The following TNFRSF13B variants were observed in gnomAD, a reference collection of about 807,000 sequenced individuals.
The protein encoded by TNFRSF13B is TNF receptor superfamily member 13B.
Under a neutral mutation model 24.0 loss-of-function variants are expected in TNFRSF13B, and 34 were observed. That is an observed-to-expected ratio of 1.41 (90% CI 1.08 to 1.88). The LOEUF (loss-of-function observed/expected upper bound fraction) is 1.88, where lower values mean the gene tolerates loss of function less well. TNFRSF13B is among the 40% of genes most tolerant of loss of function. The pLI, the probability that TNFRSF13B is intolerant of heterozygous loss-of-function variation, is 0.00. For missense variants in TNFRSF13B, 415 were observed against 380.8 expected (o/e 1.09, Z -0.75); for synonymous variants, 173 against 150.3 (o/e 1.15, Z -1.10).
intron 3 of TNFRSF13B, among the ~76,000 whole-genome samples, chr17:16,947,131 A>C (rs189121849): frequency 1.1e-4 from 17 of 152,298 alleles, no homozygotes; most frequent in Non-Finnish European, 2.4e-4. Flanking sequence ...TCACTCTGGT[A>C]CCAAAACCTG....
At chr17:16,963,958 TA>T (rs1335176242) in intron 1 of TNFRSF13B, among the ~76,000 whole-genome samples, 1 of 152,098 alleles carries the variant, frequency 6.6e-6, no homozygotes, top group Non-Finnish European at 1.5e-5. Flanking sequence ...CGTGCAGAGA[TA>T]GGGTGTGTGC....
At chr17:16,940,186 T>C (rs1157296221) in intron 4 of TNFRSF13B, 140 bp downstream of exon 4, 16 of 1,561,108 alleles carry the variant, frequency 1.0e-5, no homozygotes, top group Admixed American at 1.8e-5. Flanking sequence ...TAACCTGATT[T>C]TATCAAGGTA....
At chr17:16,967,870 G>C (rs1173477000) in intron 1 of TNFRSF13B, among the ~76,000 whole-genome samples, 3 of 151,400 alleles carry the variant, frequency 2.0e-5, no homozygotes, top group African/African-American at 7.3e-5. Flanking sequence ...AGGCATGGTG[G>C]CTCACGCCTG....
intron 1 of TNFRSF13B, among the ~76,000 whole-genome samples, chr17:16,971,270 AC>A (rs2087741961): frequency 6.6e-6 from 1 of 151,914 alleles, no homozygotes; most frequent in South Asian, 2.1e-4. Flanking sequence ...AATGGCTTGA[AC>A]CCGGGAGGCG....
intron 3 of TNFRSF13B, 74 bp downstream of exon 3, chr17:16,948,664 C>T: frequency 6.2e-7 from 1 of 1,604,088 alleles, no homozygotes; most frequent in Non-Finnish European, 8.5e-7. Flanking sequence ...CTCTCCTGTT[C>T]TAGGCCTGGC....
At chr17:16,971,397 A>G (rs1457400249) in intron 1 of TNFRSF13B, among the ~76,000 whole-genome samples, 1 of 152,068 alleles carries the variant, frequency 6.6e-6, no homozygotes, top group East Asian at 1.9e-4. Context: ...AAAGAAAGCT[A>G]TAGGATAAAT....
chr17:16,948,960 G>C lies in TNFRSF13B; in HGVS notation c.223C>G (p.Gln75Glu), dbSNP rs1447079785. 6.2e-7 allele frequency: 1 copy of C among 1,614,158 alleles called. No individual in the cohort carries two copies. The highest frequency in any genetic ancestry group is 1.1e-5 in the South Asian group (1 of 91,082). ...AGGAGATGGTCATAGAACTTGCCTT[G>C]CTCCTTGCGGCAGCTGAGTGACCCT... Reference protein sequence around the residue: ...FCRSLSCRKEQGKFYDHLLRD... With the variant: ...FCRSLSCRKEEGKFYDHLLRD... Residue 75 changes from glutamine to glutamate, a missense_variant, in exon 3 of 5, where the codon CAA becomes GAA. Transcript: ENST00000261652.
At chr17:16,959,799 T>C (rs1285567423) in intron 1 of TNFRSF13B, among the ~76,000 whole-genome samples, 1 of 152,064 alleles carries the variant, frequency 6.6e-6, no homozygotes, top group Non-Finnish European at 1.5e-5. Flanking sequence ...ATTTGAATAC[T>C]CCTATAACGA....
At chr17:16,961,852 G>A (rs2087664680) in intron 1 of TNFRSF13B, among the ~76,000 whole-genome samples, 1 of 152,206 alleles carries the variant, frequency 6.6e-6, no homozygotes. Flanking sequence ...GTGCGAGGTA[G>A]AATAAAGACG....
intron 3 of TNFRSF13B, chr17:16,941,277 C>A: frequency 1.0e-6 from 1 of 987,734 alleles, no homozygotes; most frequent in Non-Finnish European, 1.2e-6. Flanking sequence ...GGACAGGCGA[C>A]GTTACACTGA....
intron 2 of TNFRSF13B, among the ~76,000 whole-genome samples, chr17:16,950,535 G>A (rs1808376926): frequency 6.6e-6 from 1 of 152,210 alleles, no homozygotes; most frequent in South Asian, 2.1e-4. Context: ...CATAGGGCCA[G>A]TGACCTCCCC....
At chr17:16,940,029 G>T in intron 4 of TNFRSF13B, 2 of 955,398 alleles carry the variant, frequency 2.1e-6, no homozygotes, top group Non-Finnish European at 3.0e-6. Context: ...AGCCTGCCAC[G>T]CCCCCCAAGG....
At position 16,943,884 on chromosome 17, in the gene TNFRSF13B, C is replaced by T. The variant is rs1189707046; in HGVS notation, c.446-3373G>A. ...TCCCCTCAGGGAGACACACACACTCCCTGCACCTGCCCCGGAGCCCGGGCA... is the reference window on the plus strand; with the variant it reads ...TCCCCTCAGGGAGACACACACACTCTCTGCACCTGCCCCGGAGCCCGGGCA... On this transcript the variant is annotated intron_variant, in intron 3 of 4. Transcript: ENST00000261652. 2.0e-5 allele frequency among the ~76,000 whole-genome samples: 3 copies of T among 152,138 alleles called. No homozygotes were observed. In the East Asian group the frequency reaches 5.8e-4, roughly 29 times the overall value.
Position 16,972,085 on chromosome 17 carries a change from T to A in TNFRSF13B, c.-10A>T. 6.2e-7 allele frequency: 1 copy of A among 1,613,768 alleles called. No homozygotes were observed. On this transcript the variant is annotated 5_prime_UTR_variant, in exon 1 of 5. Transcript: ENST00000261652. ...GGCCCAGGCCACTCATTACTCAGGA[T>A]GCTTATTACTAGTCTTAGATTTGAT... is the stretch of plus-strand genomic sequence containing the variant.
intron 3 of TNFRSF13B, among the ~76,000 whole-genome samples, chr17:16,948,193 A>G (rs1250137184): frequency 6.6e-6 from 1 of 152,134 alleles, no homozygotes; most frequent in Non-Finnish European, 1.5e-5. Context: ...TAGAAGGGGG[A>G]GGCAGAGAGA....
chr17:16,952,378 G>A, intron 2 of TNFRSF13B, 68 bp downstream of exon 2: 1 of 1,609,104 alleles, frequency 6.2e-7, no homozygotes, highest in Admixed American at 1.7e-5. Flanking sequence ...TGTGGGGCCA[G>A]AGGGTGCTCT....
intron 1 of TNFRSF13B, 87 bp downstream of exon 1, chr17:16,971,928 G>A: frequency 7.3e-7 from 1 of 1,378,680 alleles, no homozygotes; most frequent in East Asian, 2.3e-5. Flanking sequence ...CTTTGCACCT[G>A]CTGGACCTTG....
At chr17:16,956,740 A>G (rs113436029) in intron 1 of TNFRSF13B, among the ~76,000 whole-genome samples, 4,971 of 152,360 alleles carry the variant, frequency 0.033, 131 homozygotes, top group Non-Finnish European at 0.049. Flanking sequence ...AATGCATATT[A>G]CTAAGTGAGA....
In TNFRSF13B at chr17:16,952,519, A is replaced by G. The variant is rs377551435; in HGVS notation, c.126T>C (p.Pro42=). ...RSCPEEQYWD[P]LLGTCMSCKT... ...TGCAGGACATGCAGGTACCCAGCAG[A>G]GGATCCCAGTACTGCTCTTCGGGGC... The change falls in exon 2 of 5, where the codon CCT becomes CCC. Residue 42 remains proline, a synonymous_variant. Transcript: ENST00000261652. 1.5e-4 allele frequency: 235 copies of G among 1,614,250 alleles called. 1 individual carries two copies. In the East Asian group the frequency reaches 2.0e-3, roughly 14 times the overall value.
Sources: gnomAD v4.1 joint callset for allele counts (sites outside exome capture counted in the v4.1 genomes callset) on GRCh38, gnomAD v4.1.1 for gene constraint, MANE v1.5 for transcripts, NCBI Gene and HGNC (gene_info 2026-07-23, HGNC 2026-07-21) for gene names.